KCNQ5: variants seen among roughly 807,000 people sequenced by gnomAD.
The protein encoded by KCNQ5 is potassium voltage-gated channel subfamily Q member 5.
Under a neutral mutation model 98.2 loss-of-function variants are expected in KCNQ5, and 30 were observed. The ratio of observed to expected loss-of-function variants is 0.31; its 90% CI spans 0.23 to 0.41. The LOEUF (loss-of-function observed/expected upper bound fraction) is 0.41. KCNQ5 is among the 10% of genes least tolerant of loss of function. The pLI is 1.00. For missense variants in KCNQ5, 835 were observed against 1,182.5 expected, an observed-to-expected ratio of 0.71 and a Z score of 4.31; for synonymous variants, 458 against 449.4, an observed-to-expected ratio of 1.02 and a Z score of -0.24.
intron 2 of KCNQ5, among the ~76,000 whole-genome samples, chr6:73,013,128 G>A (rs955781068): frequency 2.0e-5 from 3 of 152,014 alleles, no homozygotes; most frequent in Non-Finnish European, 4.4e-5. Context: ...TTTTCTCACC[G>A]CAATCACTGT....
intron 1 of KCNQ5, among the ~76,000 whole-genome samples, chr6:72,979,456 G>C (rs374621359): frequency 6.6e-6 from 1 of 152,230 alleles, no homozygotes; most frequent in East Asian, 1.9e-4. Flanking sequence ...TGTGTCTGTT[G>C]GCTGCATAAA....
At chr6:72,969,415 C>A (rs1038633893) in intron 1 of KCNQ5, among the ~76,000 whole-genome samples, 1 of 152,118 alleles carries the variant, frequency 6.6e-6, no homozygotes, top group African/African-American at 2.4e-5. Flanking sequence ...TTGTTTCTGA[C>A]CTACAATAAT....
chr6:73,029,034 G>T (rs1562135818), intron 2 of KCNQ5, among the ~76,000 whole-genome samples: 1 of 152,166 alleles, frequency 6.6e-6, no homozygotes, highest in African/African-American at 2.4e-5. Flanking sequence ...CCCATCAGAG[G>T]TTGTTTGGTA....
intron 10 of KCNQ5, among the ~76,000 whole-genome samples, chr6:73,154,577 A>G (rs1777279644): frequency 6.6e-6 from 1 of 152,180 alleles, no homozygotes; most frequent in Non-Finnish European, 1.5e-5. Flanking sequence ...TTTTGTACCA[A>G]TGTGAACATT....
rs780373042 is a variant in KCNQ5 at position 73,099,739 on chromosome 6, G to A, written c.919-5518G>A. ...CCCCAAGTCAATAATAGCTGGAAAC[G>A]TCAACACCCAACTTTCAGCATTGGA... On this transcript the variant is annotated intron_variant, in intron 5 of 13. Coordinates refer to ENST00000370398, the MANE Select transcript of KCNQ5 (RefSeq NM_019842.4). Among the ~76,000 whole-genome samples the A allele has an allele frequency of 2.6e-4, 40 of 152,198 alleles. 1 individual carries two copies. The highest frequency in any genetic ancestry group is 1.2e-3 in the Admixed American group (18 of 15,282).
intron 1 of KCNQ5, among the ~76,000 whole-genome samples, chr6:72,900,363 A>T (rs1396223355): frequency 1.3e-5 from 2 of 148,200 alleles, no homozygotes; most frequent in African/African-American, 4.9e-5. Flanking sequence ...TATATAAAGA[A>T]ACTTTATATA....
chr6:72,739,819 A>T (rs1355221444), intron 1 of KCNQ5, among the ~76,000 whole-genome samples: 2 of 152,220 alleles, frequency 1.3e-5, no homozygotes, highest in African/African-American at 4.8e-5. Context: ...CACTATAAAT[A>T]TATAAAATGA....
At chr6:72,689,375 T>C (rs1467847558) in intron 1 of KCNQ5, among the ~76,000 whole-genome samples, 1 of 152,196 alleles carries the variant, frequency 6.6e-6, no homozygotes, top group Admixed American at 6.5e-5. Context: ...TTCTTCGATC[T>C]CAAGCAACAT....
At chr6:73,169,957 C>T in intron 11 of KCNQ5, 103 bp downstream of exon 11, 2 of 752,564 alleles carry the variant, frequency 2.7e-6, no homozygotes, top group South Asian at 1.6e-5. Context: ...CCTGGAATAA[C>T]CACTTTCCCT....
chr6:73,134,966 A>G (rs945966009), intron 10 of KCNQ5: 1 of 152,268 alleles, frequency 6.6e-6, no homozygotes, highest in African/African-American at 2.4e-5. Context: ...AAGAGTTACC[A>G]GTGACAGGGC....
chr6:73,095,696 T>C (rs1281982330), intron 5 of KCNQ5, among the ~76,000 whole-genome samples: 1 of 152,168 alleles, frequency 6.6e-6, no homozygotes, highest in East Asian at 1.9e-4. Context: ...ATCTATCTTG[T>C]GGATCTAGCC....
At chr6:73,084,789 G>A (rs1337846333) in intron 5 of KCNQ5, among the ~76,000 whole-genome samples, 1 of 152,168 alleles carries the variant, frequency 6.6e-6, no homozygotes, top group Non-Finnish European at 1.5e-5. Context: ...GTTCTTGTGT[G>A]GGCCTGCCCT....
chr6:73,192,848 T>C (rs531008169), intron 13 of KCNQ5, among the ~76,000 whole-genome samples, 157 bp downstream of exon 13: 26 of 152,256 alleles, frequency 1.7e-4, no homozygotes, highest in African/African-American at 6.3e-4. Context: ...GACAGTGCTC[T>C]CTGAAACACT....
intron 1 of KCNQ5, among the ~76,000 whole-genome samples, chr6:72,840,043 CTG>C (rs745607573): frequency 7.9e-5 from 12 of 152,180 alleles, no homozygotes; most frequent in Non-Finnish European, 8.8e-5. Flanking sequence ...CCAATCTACT[CTG>C]TGTTTTTATG....
chr6:72,726,348 C>T (rs767516138), intron 1 of KCNQ5, among the ~76,000 whole-genome samples: 4 of 151,880 alleles, frequency 2.6e-5, no homozygotes, highest in Non-Finnish European at 4.4e-5. Context: ...GTAGCTGGGA[C>T]TACAGGTGCC....
chr6:72,766,549 G>T (rs556488375), intron 1 of KCNQ5, among the ~76,000 whole-genome samples: 1 of 151,972 alleles, frequency 6.6e-6, no homozygotes, highest in Non-Finnish European at 1.5e-5. Flanking sequence ...TGGTGGATTG[G>T]CCTAGGTTGG....
At chr6:72,641,210 T>G (rs982042014) in intron 1 of KCNQ5, among the ~76,000 whole-genome samples, 55 of 152,108 alleles carry the variant, frequency 3.6e-4, no homozygotes, top group Non-Finnish European at 1.5e-4. Flanking sequence ...TTTCCAGATA[T>G]GAAAATGTGA....
chr6:72,759,890 TG>T (rs1393162024), intron 1 of KCNQ5, among the ~76,000 whole-genome samples: 2 of 152,010 alleles, frequency 1.3e-5, no homozygotes, highest in African/African-American at 4.8e-5. Flanking sequence ...ACACACGCTC[TG>T]GCCTATTTTT....
At chr6:73,032,620 G>A (rs946316837) in intron 2 of KCNQ5, among the ~76,000 whole-genome samples, 1 of 152,090 alleles carries the variant, frequency 6.6e-6, no homozygotes, top group African/African-American at 2.4e-5. Context: ...ATTGATCTTC[G>A]ATTCTAAGTT....
Sources: gnomAD v4.1 joint callset for allele counts (sites outside exome capture counted in the v4.1 genomes callset) on GRCh38, gnomAD v4.1.1 for gene constraint, MANE v1.5 for transcripts, NCBI Gene and HGNC (gene_info 2026-07-23, HGNC 2026-07-21) for gene names.